Variants in ARHGAP15 observed in about 807,000 individuals in gnomAD.
ARHGAP15 encodes rho GTPase-activating protein 15.
A neutral mutation model predicts 63.7 loss-of-function variants in ARHGAP15; 51 were observed. The ratio of observed to expected loss-of-function variants is 0.80; its 90% CI spans 0.64 to 1.01. The LOEUF is 1.01. ARHGAP15 is among the 50% of genes least tolerant of loss of function. The pLI, the probability that ARHGAP15 is intolerant of heterozygous loss-of-function variation, is 0.00. For synonymous variants in ARHGAP15, 191 were observed against 193.8 expected (o/e 0.99, Z 0.12); for missense variants, 560 against 564.6 (o/e 0.99, Z 0.08).
chr2:143,559,254 GA>G (rs1695930658), intron 11 of ARHGAP15, among the ~76,000 whole-genome samples: 2 of 152,250 alleles, frequency 1.3e-5, no homozygotes, highest in South Asian at 4.1e-4. Context: ...TCAGCAGTTT[GA>G]AAAGGCAAAG....
intron 10 of ARHGAP15, among the ~76,000 whole-genome samples, chr2:143,522,548 A>C (rs769377313): frequency 2.6e-5 from 4 of 152,152 alleles, no homozygotes; most frequent in Non-Finnish European, 5.9e-5. Context: ...AAAGCATGAG[A>C]TCATCTGACA....
At chr2:143,358,387 T>C (rs1464890194) in intron 6 of ARHGAP15, among the ~76,000 whole-genome samples, 2 of 152,052 alleles carry the variant, frequency 1.3e-5, no homozygotes, top group African/African-American at 4.8e-5. Context: ...AATTAAGACA[T>C]GATTGAAAAT....
At position 143,141,603 on chromosome 2, in the gene ARHGAP15, CA is replaced by C. The variant is rs764940190; in HGVS notation, c.-15+12138del. Reference sequence around the variant, plus strand: ...TGCTTAGCAAGAGCAAAGAGCACAGCACAATATCCTACTCGTTGTAACTAAG... The same window carrying C: ...TGCTTAGCAAGAGCAAAGAGCACAGCCAATATCCTACTCGTTGTAACTAAG... On this transcript the variant is annotated intron_variant, in intron 1 of 13. Transcript: ENST00000295095. Among the ~76,000 whole-genome samples, 167 of 152,158 alleles carry C rather than the reference CA, an allele frequency of 1.1e-3. 1 individual carries two copies. The highest frequency in any genetic ancestry group is 1.2e-3 in the Non-Finnish European group (80 of 67,992).
chr2:143,623,771 C>A (rs1698734464), intron 11 of ARHGAP15, among the ~76,000 whole-genome samples: 1 of 152,244 alleles, frequency 6.6e-6, no homozygotes. Flanking sequence ...AGCCGGCCAT[C>A]ATTGGCAACT....
chr2:143,662,224 C>T (rs554818769), intron 12 of ARHGAP15, among the ~76,000 whole-genome samples: 4,621 of 152,024 alleles, frequency 0.03, 80 homozygotes, highest in Middle Eastern at 0.068. Flanking sequence ...GATCTGAGAA[C>T]GGGCAGACTG....
chr2:143,715,216 C>T (rs1006437432), intron 13 of ARHGAP15, among the ~76,000 whole-genome samples: 6 of 152,180 alleles, frequency 3.9e-5, no homozygotes, highest in African/African-American at 1.4e-4. Flanking sequence ...ACAGAAACCC[C>T]TGATAAACCC....
intron 6 of ARHGAP15, among the ~76,000 whole-genome samples, chr2:143,338,180 A>G (rs976306672): frequency 6.6e-6 from 1 of 152,186 alleles, no homozygotes; most frequent in Non-Finnish European, 1.5e-5. Context: ...GGAGTATACC[A>G]GTGAGTAAGT....
At chr2:143,579,690 T>G (rs1185148248) in intron 11 of ARHGAP15, among the ~76,000 whole-genome samples, 1 of 136,252 alleles carries the variant, frequency 7.3e-6, no homozygotes, top group Admixed American at 6.9e-5. Flanking sequence ...CAGATCTTTT[T>G]GTCGAGGGAA....
chr2:143,595,078 A>G (rs1399007837), intron 11 of ARHGAP15, among the ~76,000 whole-genome samples: 4 of 152,156 alleles, frequency 2.6e-5, no homozygotes, highest in African/African-American at 9.7e-5. Flanking sequence ...CTTTGTGCCC[A>G]TGATGTAAAT....
At position 143,390,872 on chromosome 2, in the gene ARHGAP15, T is replaced by C. The variant is rs117650345; in HGVS notation, c.475-44729T>C. Among the ~76,000 whole-genome samples, 130 of 152,274 alleles carry C rather than the reference T, an allele frequency of 8.5e-4. 1 individual carries two copies. The East Asian group carries it at 0.019, about 22-fold the overall frequency. On this transcript the variant is annotated intron_variant, in intron 6 of 13. Coordinates refer to ENST00000295095, the MANE Select transcript of ARHGAP15 (RefSeq NM_018460.4). ...CCGCTTTTTACAGCAACCCTGATTA[T>C]TTTCTGCCAAAGTTCCTTGTTATCA...
At chr2:143,240,651 T>C (rs564687863) in intron 5 of ARHGAP15, among the ~76,000 whole-genome samples, 1 of 152,322 alleles carries the variant, frequency 6.6e-6, no homozygotes, top group East Asian at 1.9e-4. Flanking sequence ...TTAGTATAGC[T>C]GTAGATTGCA....
chr2:143,400,768 T>C (rs1056264162), intron 6 of ARHGAP15, among the ~76,000 whole-genome samples: 3 of 152,038 alleles, frequency 2.0e-5, no homozygotes, highest in African/African-American at 7.2e-5. Flanking sequence ...AGATGACATA[T>C]AGTAGAGAAA....
chr2:143,739,901 G>C (rs151092276), intron 13 of ARHGAP15, among the ~76,000 whole-genome samples: 2 of 152,188 alleles, frequency 1.3e-5, no homozygotes, highest in Admixed American at 6.5e-5. Flanking sequence ...CCCAACTAAG[G>C]AATTTTCATA....
chr2:143,351,647 C>T (rs1307964374), intron 6 of ARHGAP15, among the ~76,000 whole-genome samples: 2 of 152,178 alleles, frequency 1.3e-5, no homozygotes, highest in South Asian at 2.1e-4. Flanking sequence ...CGAATTTGGG[C>T]ATCTGTAATT....
intron 6 of ARHGAP15, among the ~76,000 whole-genome samples, chr2:143,326,552 A>G (rs547595807): frequency 1.3e-5 from 2 of 152,312 alleles, no homozygotes; most frequent in Admixed American, 1.3e-4. Flanking sequence ...CTCTTCTTTA[A>G]TAGTGACTTC....
chr2:143,430,914 C>T (rs942925634), intron 6 of ARHGAP15, among the ~76,000 whole-genome samples: 1 of 151,890 alleles, frequency 6.6e-6, no homozygotes, highest in Non-Finnish European at 1.5e-5. Flanking sequence ...TTCAGTTTCA[C>T]TAAAATGGAA....
At chr2:143,244,042 A>C (rs1000865757) in intron 5 of ARHGAP15, among the ~76,000 whole-genome samples, 1 of 152,212 alleles carries the variant, frequency 6.6e-6, no homozygotes, top group Non-Finnish European at 1.5e-5. Context: ...TGGAAATATT[A>C]TTCCATATGT....
intron 12 of ARHGAP15, among the ~76,000 whole-genome samples, chr2:143,672,776 G>C (rs1472498525): frequency 6.6e-6 from 1 of 152,056 alleles, no homozygotes; most frequent in African/African-American, 2.4e-5. Context: ...CAAAGACAAT[G>C]GTAAAGCACA....
At chr2:143,298,731 A>G (rs1303494811) in intron 6 of ARHGAP15, among the ~76,000 whole-genome samples, 2 of 151,948 alleles carry the variant, frequency 1.3e-5, no homozygotes, top group African/African-American at 2.4e-5. Flanking sequence ...ATGGATCTCA[A>G]TATTTGGGAA....
Sources: gnomAD v4.1 joint callset for allele counts (sites outside exome capture counted in the v4.1 genomes callset) on GRCh38, gnomAD v4.1.1 for gene constraint, MANE v1.5 for transcripts, NCBI Gene and HGNC (gene_info 2026-07-23, HGNC 2026-07-21) for gene names.